XKR6: variants seen among roughly 807,000 people sequenced by gnomAD.
XKR6 encodes the protein XK related 6.
A neutral mutation model predicts 56.7 loss-of-function variants in XKR6; 22 were observed. The observed-to-expected ratio is 0.39, with a 90% CI of 0.28 to 0.55. The LOEUF (loss-of-function observed/expected upper bound fraction) is 0.55, where lower values mean the gene tolerates loss of function less well. Ranked by LOEUF, XKR6 falls within the 20% of genes least tolerant of loss-of-function variation. The pLI is 0.66. For synonymous variants in XKR6, 524 were observed against 387.8 expected (o/e 1.35, Z -4.13); for missense variants, 852 against 889.0 (o/e 0.96, Z 0.53).
At chr8:10,899,814 T>C (rs1799984975) in intron 2 of XKR6, among the ~76,000 whole-genome samples, 1 of 152,110 alleles carries the variant, frequency 6.6e-6, no homozygotes, top group East Asian at 1.9e-4. Context: ...TGAGTGTGCC[T>C]AATCCCAAGT....
chr8:10,929,975 G>A (rs111365754), intron 1 of XKR6, among the ~76,000 whole-genome samples: 34 of 152,324 alleles, frequency 2.2e-4, no homozygotes, highest in African/African-American at 3.4e-4. Context: ...AGCTTTCTGA[G>A]GGAGACACGG....
Position 11,052,712 on chromosome 8 carries a change from C to G in XKR6, c.765-127882G>C, listed in dbSNP as rs192724076. Among the ~76,000 whole-genome samples the G allele has an allele frequency of 6.4e-3, 975 of 151,442 alleles. 3 individuals are homozygous for G. The highest frequency in any genetic ancestry group is 9.9e-3 in the Non-Finnish European group (670 of 67,848). ...TGTCCTCTCCTCTCTTCCCCACCCC[C>G]ACCCCGACCCCTGTTTCCAGTTGGA... On this transcript the variant is annotated intron_variant, in intron 1 of 2. Coordinates refer to ENST00000416569, the MANE Select transcript of XKR6 (RefSeq NM_173683.4).
chr8:11,167,831 A>G (rs1025209978), intron 1 of XKR6, among the ~76,000 whole-genome samples: 2 of 150,526 alleles, frequency 1.3e-5, no homozygotes, highest in African/African-American at 4.9e-5. Flanking sequence ...TCAAAACACT[A>G]CCAGGCTAGG....
At chr8:10,931,648 T>C (rs1167749217) in intron 1 of XKR6, among the ~76,000 whole-genome samples, 1 of 152,150 alleles carries the variant, frequency 6.6e-6, no homozygotes, top group Non-Finnish European at 1.5e-5. Flanking sequence ...CAATTCAATG[T>C]TGATAGTCTT....
Position 10,911,589 on chromosome 8 carries a change from G to A in XKR6, c.962-12673C>T, listed in dbSNP as rs576315401. On this transcript the variant is annotated intron_variant, in intron 2 of 2. Transcript: ENST00000416569. ...ATATATATATAGAGAGAGAGAGGAA[G>A]AGAGAGGGTGAGATTGCACATATAT... Among the ~76,000 whole-genome samples the A allele has an allele frequency of 7.5e-5, 11 of 147,578 alleles. No individual in the cohort carries two copies. The East Asian group carries it at 1.8e-3, about 24-fold the overall frequency.
chr8:11,160,007 G>A (rs1160493138), intron 1 of XKR6, among the ~76,000 whole-genome samples: 1 of 152,140 alleles, frequency 6.6e-6, no homozygotes, highest in Non-Finnish European at 1.5e-5. Context: ...ACTACCTATA[G>A]GAGCTGCTGA....
At chr8:11,135,624 G>A (rs1445519930) in intron 1 of XKR6, among the ~76,000 whole-genome samples, 1 of 151,996 alleles carries the variant, frequency 6.6e-6, no homozygotes, top group Non-Finnish European at 1.5e-5. Context: ...CTAAAATAGT[G>A]TGGTATGAAC....
chr8:11,077,912 A>G (rs1354695898), intron 1 of XKR6, among the ~76,000 whole-genome samples: 1 of 152,100 alleles, frequency 6.6e-6, no homozygotes, highest in East Asian at 1.9e-4. Context: ...ATCCGGGAGC[A>G]GCCTCCCGGT....
chr8:11,100,060 G>C (rs1798412830), intron 1 of XKR6, among the ~76,000 whole-genome samples: 1 of 152,088 alleles, frequency 6.6e-6, no homozygotes, highest in Non-Finnish European at 1.5e-5. Flanking sequence ...TTTTCATTTT[G>C]TTTTGTTTTG....
intron 1 of XKR6, among the ~76,000 whole-genome samples, chr8:11,042,950 A>G (rs1418126870): frequency 6.6e-6 from 1 of 152,062 alleles, no homozygotes; most frequent in East Asian, 1.9e-4. Context: ...GGCAGGGTGC[A>G]GGAGACTTGA....
intron 1 of XKR6, among the ~76,000 whole-genome samples, chr8:11,042,692 A>G (rs1343303145): frequency 6.6e-6 from 1 of 152,276 alleles, no homozygotes; most frequent in African/African-American, 2.4e-5. Flanking sequence ...GAAATGTTCC[A>G]ATGAACATAT....
rs986355556 is a variant in XKR6, at chr8:11,081,111, G to A, written c.764+119465C>T. On this transcript the variant is annotated intron_variant, in intron 1 of 2. Coordinates refer to ENST00000416569, the MANE Select transcript of XKR6 (RefSeq NM_173683.4). ...ACTGTTCTAAGGACTGCAAGAAGCC[G>A]TCTACCTCAAAATGGCATGATTTTG... is the stretch of plus-strand genomic sequence containing the variant. Among the ~76,000 whole-genome samples the A allele has an allele frequency of 3.3e-5, 5 of 152,300 alleles. No homozygotes were observed. In the South Asian group the frequency reaches 8.3e-4, roughly 25 times the overall value.
chr8:11,182,912 A>G lies in XKR6; in HGVS notation c.764+17664T>C, dbSNP rs79343341. Among the ~76,000 whole-genome samples, 470 of 152,182 alleles carry G rather than the reference A, an allele frequency of 3.1e-3. 8 individuals carry two copies. The highest frequency in any genetic ancestry group is 0.022 in the South Asian group (107 of 4,818). On this transcript the variant is annotated intron_variant, in intron 1 of 2. Coordinates refer to ENST00000416569, the MANE Select transcript of XKR6 (RefSeq NM_173683.4). ...AGCCCCTGGCAGCCCCCTTTCTACTATGTCTCTATGAACTTGACTCCTCCA... is the reference window on the plus strand; with the variant it reads ...AGCCCCTGGCAGCCCCCTTTCTACTGTGTCTCTATGAACTTGACTCCTCCA...
chr8:10,946,133 C>G (rs898312919), intron 1 of XKR6, among the ~76,000 whole-genome samples: 18 of 152,078 alleles, frequency 1.2e-4, no homozygotes, highest in African/African-American at 4.3e-4. Flanking sequence ...CACACACCTC[C>G]CTGTGTCACT....
intron 1 of XKR6, among the ~76,000 whole-genome samples, chr8:11,154,152 T>A (rs1053903462): frequency 6.6e-6 from 1 of 152,160 alleles, no homozygotes; most frequent in African/African-American, 2.4e-5. Flanking sequence ...ACACTGGATC[T>A]TAGGGTAGGG....
chr8:10,984,720 C>CTATATATA (rs1212342415), intron 1 of XKR6, among the ~76,000 whole-genome samples: 3 of 83,236 alleles, frequency 3.6e-5, no homozygotes, highest in African/African-American at 1.6e-4. Flanking sequence ...CTCTCTCTCT[C>CTATATATA]TCTCTCTCTC....
At chr8:10,924,050 C>A (rs888345574) in intron 2 of XKR6, among the ~76,000 whole-genome samples, 1 of 152,210 alleles carries the variant, frequency 6.6e-6, no homozygotes, top group Admixed American at 6.5e-5. Flanking sequence ...CCTTCTTGCC[C>A]ATGACATCCC....
intron 1 of XKR6, among the ~76,000 whole-genome samples, chr8:10,948,587 C>A (rs1801619493): frequency 6.6e-6 from 1 of 152,164 alleles, no homozygotes; most frequent in South Asian, 2.1e-4. Context: ...ACCTCAGTAG[C>A]TACCCTACAG....
In XKR6 at chr8:11,149,633, G is replaced by C. The variant is rs550377304; in HGVS notation, c.764+50943C>G. The stretch of plus-strand genomic sequence containing the variant: ...CACGTTAAAAAAAAAAAGACCCACT[G>C]TTACTGTTGCTGAGAATGTCAATTA... On this transcript the variant is annotated intron_variant, in intron 1 of 2. Transcript: ENST00000416569. 2.0e-5 allele frequency among the ~76,000 whole-genome samples: 3 copies of C among 151,994 alleles called. No individual in the cohort carries two copies. In the South Asian group the frequency reaches 6.2e-4, roughly 32 times the overall value.
Sources: allele counts gnomAD v4.1 joint callset (sites outside exome capture counted in the v4.1 genomes callset), GRCh38; gene constraint gnomAD v4.1.1; transcripts MANE v1.5; gene names NCBI Gene and HGNC (gene_info 2026-07-23, HGNC 2026-07-21).